Variants in ZEB1 observed in about 807,000 individuals in gnomAD.
The protein encoded by ZEB1 is zinc finger E-box-binding homeobox 1.
ZEB1 carries 21 observed loss-of-function variants against 84.9 expected under a neutral mutation model. The ratio of observed to expected loss-of-function variants is 0.25; its 90% CI spans 0.18 to 0.36. The LOEUF (loss-of-function observed/expected upper bound fraction) is 0.36, where lower values mean the gene tolerates loss of function less well. Ranked by LOEUF, ZEB1 falls within the 10% of genes least tolerant of loss-of-function variation. The pLI is 1.00. For synonymous variants in ZEB1, 420 were observed against 471.1 expected (o/e 0.89, Z 1.41); for missense variants, 1,104 against 1,330.2 (o/e 0.83, Z 2.65).
At chr10:31,392,703 T>C (rs1422290200) in intron 1 of ZEB1, among the ~76,000 whole-genome samples, 2 of 151,890 alleles carry the variant, frequency 1.3e-5, no homozygotes, top group African/African-American at 4.8e-5. Context: ...AAAAGAAATA[T>C]AGAGGATGTT....
chr10:31,363,441 A>G, intron 1 of ZEB1: 1 of 1,534,140 alleles, frequency 6.5e-7, no homozygotes, highest in African/African-American at 1.4e-5. Context: ...AGGGCCTGGG[A>G]TTGTACCAGG....
At chr10:31,364,874 A>G (rs2044163814) in intron 1 of ZEB1, among the ~76,000 whole-genome samples, 1 of 152,162 alleles carries the variant, frequency 6.6e-6, no homozygotes, top group Admixed American at 6.5e-5. Flanking sequence ...CATATCTGTA[A>G]TAAGCACATG....
chr10:31,501,724 A>G (rs894832919), intron 3 of ZEB1, among the ~76,000 whole-genome samples: 14 of 152,144 alleles, frequency 9.2e-5, no homozygotes, highest in Admixed American at 4.6e-4. Context: ...ATACATACAT[A>G]TGATAAAGTT....
chr10:31,450,398 T>C (rs1388261494), intron 1 of ZEB1, among the ~76,000 whole-genome samples: 3 of 151,592 alleles, frequency 2.0e-5, no homozygotes, highest in Admixed American at 1.3e-4. Context: ...GATTTTTTTC[T>C]GTTGGAAAGA....
intron 1 of ZEB1, among the ~76,000 whole-genome samples, chr10:31,436,805 C>T (rs1395513807): frequency 6.6e-6 from 1 of 152,142 alleles, no homozygotes; most frequent in Non-Finnish European, 1.5e-5. Context: ...CTATTTCCCA[C>T]TTCATTTTTA....
At chr10:31,365,490 G>A (rs1282128022) in intron 1 of ZEB1, among the ~76,000 whole-genome samples, 1 of 152,148 alleles carries the variant, frequency 6.6e-6, no homozygotes, top group East Asian at 1.9e-4. Flanking sequence ...TTGCATGTCT[G>A]TTGTTATGGA....
At chr10:31,347,567 T>G (rs1489683070) in intron 1 of ZEB1, among the ~76,000 whole-genome samples, 2 of 152,190 alleles carry the variant, frequency 1.3e-5, no homozygotes, top group African/African-American at 4.8e-5. Flanking sequence ...CATGTATTTT[T>G]GTAACTTGTT....
chr10:31,449,302 G>A (rs542802878), intron 1 of ZEB1, among the ~76,000 whole-genome samples: 178 of 152,306 alleles, frequency 1.2e-3, no homozygotes, highest in African/African-American at 3.8e-3. Flanking sequence ...ACTGGCCTGC[G>A]CCTACTGTCT....
chr10:31,323,835 G>A (rs550514616), intron 1 of ZEB1, among the ~76,000 whole-genome samples: 16 of 151,906 alleles, frequency 1.1e-4, no homozygotes, highest in African/African-American at 3.9e-4. Flanking sequence ...TATTTTTAGT[G>A]GTGTTTTTAT....
At chr10:31,449,463 T>C (rs180795277) in intron 1 of ZEB1, among the ~76,000 whole-genome samples, 1 of 152,308 alleles carries the variant, frequency 6.6e-6, no homozygotes, top group East Asian at 1.9e-4. Context: ...CTAATACTTT[T>C]ATGGTTTCAG....
intron 2 of ZEB1, among the ~76,000 whole-genome samples, chr10:31,486,528 C>T (rs2138669515): frequency 6.6e-6 from 1 of 150,472 alleles, no homozygotes; most frequent in South Asian, 2.1e-4. Flanking sequence ...AGTGAAGTGT[C>T]TGCTTAACAC....
chr10:31,342,778 A>T (rs897436659), intron 1 of ZEB1, among the ~76,000 whole-genome samples: 1 of 152,102 alleles, frequency 6.6e-6, no homozygotes, highest in Non-Finnish European at 1.5e-5. Flanking sequence ...TGCTGCATAT[A>T]ATTTATTTCC....
chr10:31,419,334 A>G (rs1347658512), intron 1 of ZEB1, among the ~76,000 whole-genome samples: 1 of 152,158 alleles, frequency 6.6e-6, no homozygotes, highest in Non-Finnish European at 1.5e-5. Flanking sequence ...TAGAACCCAG[A>G]TTATGGACAG....
intron 2 of ZEB1, among the ~76,000 whole-genome samples, chr10:31,480,518 G>C (rs1372055482): frequency 6.6e-6 from 1 of 152,014 alleles, no homozygotes; most frequent in Non-Finnish European, 1.5e-5. Context: ...AGTTCCACTT[G>C]TACATATGTA....
chr10:31,391,170 A>G (rs567406376), intron 1 of ZEB1, among the ~76,000 whole-genome samples: 1 of 151,794 alleles, frequency 6.6e-6, no homozygotes, highest in East Asian at 1.9e-4. Context: ...AATGTACCCA[A>G]GAGTGTGGGG....
In ZEB1 at chr10:31,478,947, G is replaced by A. The variant is rs139700448; in HGVS notation, c.260-16829G>A. ...CAGCTTGTTCACTGTTTGGATTATG[G>A]GTACATTAGAAGCCCAAACCTCACT... On this transcript the variant is annotated intron_variant, in intron 2 of 8. Coordinates refer to ENST00000424869, the MANE Select transcript of ZEB1 (RefSeq NM_001174096.2). Among the ~76,000 whole-genome samples, 1,389 of 151,720 alleles carry A rather than the reference G, an allele frequency of 9.2e-3. 13 individuals are homozygous for A. The highest frequency in any genetic ancestry group is 0.031 in the African/African-American group (1,299 of 41,444).
intron 1 of ZEB1, chr10:31,362,687 G>C (rs1206006916): frequency 6.8e-6 from 3 of 442,354 alleles, no homozygotes; most frequent in Non-Finnish European, 8.4e-6. Context: ...AGATGGTGGA[G>C]CAGCAGGGCA....
rs115112429 is a variant in ZEB1, at chr10:31,475,561, C to T, written c.259+14324C>T. The stretch of plus-strand genomic sequence containing the variant: ...CAGCTAGAGACAAGTGTCAAATCAC[C>T]TATGAAGGAAGCTCATCAACCTAAT... On this transcript the variant is annotated intron_variant, in intron 2 of 8. Transcript: ENST00000424869. Among the ~76,000 whole-genome samples, 331 of 152,222 alleles carry T rather than the reference C, an allele frequency of 2.2e-3. 1 individual carries two copies. Among genetic ancestry groups the T allele is most frequent in the African/African-American group, 7.7e-3 (320 of 41,548 alleles).
intron 8 of ZEB1, among the ~76,000 whole-genome samples, chr10:31,526,159 AAAG>A (rs1425090023): frequency 6.6e-6 from 1 of 152,232 alleles, no homozygotes; most frequent in Non-Finnish European, 1.5e-5. Context: ...GTGGTTTTCT[AAAG>A]AAGCTCAGTA....
Sources: allele counts gnomAD v4.1 joint callset (sites outside exome capture counted in the v4.1 genomes callset), GRCh38; gene constraint gnomAD v4.1.1; transcripts MANE v1.5; gene names NCBI Gene and HGNC (gene_info 2026-07-23, HGNC 2026-07-21).